ZFYVE1: variants seen among roughly 807,000 people sequenced by gnomAD.
ZFYVE1 encodes zinc finger FYVE-type containing 1.
In ZFYVE1, 30 loss-of-function variants were observed where a neutral mutation model predicts 74.4. The ratio of observed to expected loss-of-function variants is 0.40; its 90% CI spans 0.30 to 0.55. The LOEUF is 0.55. Ranked by LOEUF, ZFYVE1 falls within the 20% of genes least tolerant of loss-of-function variation. The probability of loss-of-function intolerance (pLI) is 0.42; values close to 1 mark genes in which losing one functional copy is unlikely to be tolerated. For synonymous variants in ZFYVE1, 335 were observed against 385.1 expected (o/e 0.87, Z 1.52); for missense variants, 703 against 1,011.6 (o/e 0.69, Z 4.14).
At chr14:73,016,898 A>G (rs1273922252) in intron 2 of ZFYVE1, among the ~76,000 whole-genome samples, 1 of 152,206 alleles carries the variant, frequency 6.6e-6, no homozygotes, top group Non-Finnish European at 1.5e-5. Flanking sequence ...AAAAAGATCA[A>G]TGAATACAAC....
At chr14:73,007,653 G>C (rs1418757532) in intron 2 of ZFYVE1, among the ~76,000 whole-genome samples, 18 of 152,144 alleles carry the variant, frequency 1.2e-4, no homozygotes, top group Non-Finnish European at 2.5e-4. Context: ...TGGGATTATA[G>C]GTGTGAGCCA....
intron 2 of ZFYVE1, among the ~76,000 whole-genome samples, chr14:73,023,198 T>C (rs2140392465): frequency 7.2e-6 from 1 of 138,462 alleles, no homozygotes; most frequent in South Asian, 2.1e-4. Context: ...ATATATTTTA[T>C]ATATGTTTTA....
chr14:72,977,508 G>A (rs17491249), intron 8 of ZFYVE1, among the ~76,000 whole-genome samples: 7,823 of 151,994 alleles, frequency 0.051, 267 homozygotes, highest in Non-Finnish European at 0.081. Context: ...TTTCTTACAC[G>A]AAGATGGTGA....
Position 72,975,810 on chromosome 14 carries a change from C to T in ZFYVE1, c.1636-89G>A, listed in dbSNP as rs1035442119. On this transcript the variant is annotated intron_variant, in intron 8 of 11. Transcript: ENST00000556143. This position sits in a 1 kb window ranked among gnomAD's most constrained non-coding sequence, Gnocchi z 4.1. ...GATGTTTGGTGAGTTGCACACTCAC[C>T]GTGGCCAACTCAGAACCACTAACTC... 1.5e-5 allele frequency: 23 copies of T among 1,499,532 alleles called. No homozygotes were observed. In the Admixed American group the frequency reaches 1.9e-4, roughly 13 times the overall value. 92.9% of individuals were successfully genotyped at this position (1,499,532 alleles called of 1,614,324 possible).
intron 2 of ZFYVE1, among the ~76,000 whole-genome samples, chr14:73,010,997 A>G (rs1162591514): frequency 6.6e-6 from 1 of 151,966 alleles, no homozygotes; most frequent in Non-Finnish European, 1.5e-5. Flanking sequence ...CATTTTACAA[A>G]GGAACAAAAA....
At chr14:72,978,353 T>C (rs1490655061) in intron 6 of ZFYVE1, 119 bp from the exon 7 acceptor site, 3 of 877,766 alleles carry the variant, frequency 3.4e-6, no homozygotes, top group African/African-American at 3.4e-5. Context: ...ATCTGCCCGA[T>C]CTCAGGAGTT....
intron 11 of ZFYVE1, among the ~76,000 whole-genome samples, chr14:72,971,520 G>T (rs534401706): frequency 5.0e-4 from 76 of 152,164 alleles, no homozygotes; most frequent in African/African-American, 1.8e-3. Flanking sequence ...TAGAGACAGG[G>T]TTTCACCATG....
rs563352321 is a variant in ZFYVE1 at position 72,991,622 on chromosome 14, G to A, written c.1203+1521C>T. ...TTACAGCCCCTTTGCCTGATTCAGC[G>A]TCTTTTCAGAATGTTTGCATTAGGT... On this transcript the variant is annotated intron_variant, in intron 4 of 11. Transcript: ENST00000556143. 2.6e-5 allele frequency among the ~76,000 whole-genome samples: 4 copies of A among 152,262 alleles called. No homozygotes were observed. The South Asian group carries it at 6.2e-4, about 24-fold the overall frequency.
intron 2 of ZFYVE1, among the ~76,000 whole-genome samples, chr14:73,004,212 C>CG (rs1893932396): frequency 6.6e-6 from 1 of 152,132 alleles, no homozygotes; most frequent in African/African-American, 2.4e-5. Context: ...TCTACCGGCA[C>CG]GGAGTCAGGT....
chr14:72,994,411 G>A (rs1048007354), intron 3 of ZFYVE1, among the ~76,000 whole-genome samples: 1 of 150,392 alleles, frequency 6.6e-6, no homozygotes, highest in Admixed American at 6.6e-5. Context: ...TCTATGCTGT[G>A]AGAACTCAGG....
At chr14:73,013,193 G>A (rs898002090) in intron 2 of ZFYVE1, among the ~76,000 whole-genome samples, 9 of 152,146 alleles carry the variant, frequency 5.9e-5, no homozygotes, top group African/African-American at 2.2e-4. Flanking sequence ...TCAAGCCAGA[G>A]GTCAGCTACT....
At chr14:73,025,525 A>C (rs1594872749) in intron 1 of ZFYVE1, among the ~76,000 whole-genome samples, 1 of 151,494 alleles carries the variant, frequency 6.6e-6, no homozygotes, top group African/African-American at 2.4e-5. Context: ...GTGAAATCCC[A>C]TCTCTACTAA....
intron 11 of ZFYVE1, among the ~76,000 whole-genome samples, chr14:72,973,878 T>C (rs950814850): frequency 6.6e-6 from 1 of 152,216 alleles, no homozygotes. Context: ...CACTAGATGC[T>C]GTAAGAGAAT....
chr14:72,997,042 T>C (rs11625299), intron 3 of ZFYVE1, among the ~76,000 whole-genome samples: 30,176 of 152,156 alleles, frequency 0.2, 3,745 homozygotes, highest in East Asian at 0.43. Flanking sequence ...ACACGTCCCA[T>C]GTCCACATCC....
At chr14:72,986,464 A>T (rs1893482586) in intron 4 of ZFYVE1, among the ~76,000 whole-genome samples, 1 of 129,988 alleles carries the variant, frequency 7.7e-6, no homozygotes, top group Non-Finnish European at 1.7e-5. Context: ...TGGGAAAATA[A>T]CAGTAACTGT....
Position 73,024,772 on chromosome 14 carries a change from G to A in ZFYVE1, c.-264C>T, listed in dbSNP as rs1894421424. 7.2e-6 allele frequency: 3 copies of A among 415,714 alleles called. No homozygotes were observed. In the South Asian group the frequency reaches 1.4e-4, roughly 20 times the overall value. The allele number at this position is 415,714 out of a possible 1,614,324, so 25.8% of individuals were successfully genotyped here. A position where few individuals can be genotyped will look rare whatever the true frequency, so the allele number is the denominator to read the frequency against. On this transcript the variant is annotated 5_prime_UTR_variant, in exon 2 of 12. Transcript: ENST00000556143. ...TCCTCCATAAAGTGCAAGCAAAGATGTGGTCAAAATTGACTTGGAAGGGTC... is the reference window on the plus strand; with the variant it reads ...TCCTCCATAAAGTGCAAGCAAAGATATGGTCAAAATTGACTTGGAAGGGTC...
chr14:73,006,875 C>T (rs1893992560), intron 2 of ZFYVE1, among the ~76,000 whole-genome samples: 1 of 151,690 alleles, frequency 6.6e-6, no homozygotes, highest in Admixed American at 6.6e-5. Context: ...GCCACCATAC[C>T]TAGGTAATTT....
chr14:72,998,201 T>C lies in ZFYVE1; in HGVS notation c.598A>G (p.Thr200Ala). ...AAGACTTCACGACCATAAAAGAAAG[T>C]GTGGTTGAGAGTATGAGACTTTCCA... ...GDGKSHTLNH[T>A]FFYGREVFKT... is the part of the protein sequence containing the mutation. Residue 200 changes from threonine (T) to alanine (A), a missense_variant, in exon 3 of 12, where the codon ACT (threonine) becomes GCT (alanine). Thr to Ala is a moderately conservative substitution (Grantham distance 58). Transcript: ENST00000556143. The C allele has an allele frequency of 6.2e-7, 1 of 1,613,646 alleles. No individual in the cohort carries two copies. Among genetic ancestry groups the C allele is most frequent in the East Asian group, 2.2e-5 (1 of 44,862 alleles).
intron 4 of ZFYVE1, among the ~76,000 whole-genome samples, chr14:72,989,196 G>A (rs1004907766): frequency 6.6e-6 from 1 of 152,020 alleles, no homozygotes; most frequent in Non-Finnish European, 1.5e-5. Context: ...AAAGTGCTGG[G>A]ATTACAGGCA....
Sources: allele counts gnomAD v4.1 joint callset (sites outside exome capture counted in the v4.1 genomes callset), GRCh38; gene constraint gnomAD v4.1.1; non-coding constraint Gnocchi (gnomAD v3.1); transcripts MANE v1.5; gene names NCBI Gene and HGNC (gene_info 2026-07-23, HGNC 2026-07-21).